ALK: variants seen among roughly 807,000 people sequenced by gnomAD.
ALK encodes ALK tyrosine kinase receptor.
A neutral mutation model predicts 163.1 loss-of-function variants in ALK; 74 were observed. The ratio of observed to expected loss-of-function variants is 0.45; its 90% CI spans 0.38 to 0.55. ALK has a LOEUF of 0.55. ALK is among the 20% of genes least tolerant of loss of function. The pLI is 0.00. For missense variants in ALK, 2,063 were observed against 2,105.3 expected (o/e 0.98, Z 0.39); for synonymous variants, 960 against 843.2 (o/e 1.14, Z -2.40).
At chr2:29,545,857 T>C (rs1673538612) in intron 3 of ALK, among the ~76,000 whole-genome samples, 1 of 152,168 alleles carries the variant, frequency 6.6e-6, no homozygotes, top group African/African-American at 2.4e-5. Flanking sequence ...GTATTATTAA[T>C]CTTAAGATAA....
chr2:29,427,064 A>AAAAAT (rs1670159299), intron 4 of ALK, among the ~76,000 whole-genome samples: 16 of 148,176 alleles, frequency 1.1e-4, no homozygotes, highest in Non-Finnish European at 4.5e-5. Context: ...AAAAAAAAAA[A>AAAAAT]GCTGTTACAT....
intron 4 of ALK, among the ~76,000 whole-genome samples, chr2:29,499,221 C>A (rs1439191687): frequency 6.6e-6 from 1 of 151,866 alleles, no homozygotes; most frequent in Non-Finnish European, 1.5e-5. Context: ...TTTTTTGAGA[C>A]AGGGTCTTGC....
chr2:29,920,586 G>T lies in ALK; in HGVS notation c.74C>A (p.Thr25Asn), dbSNP rs753812499. The change falls in exon 1 of 29, where the codon ACC becomes AAC. Residue 25 changes from threonine (T) to asparagine (N), a missense_variant. Transcript: ENST00000389048. ...STAAVGSGMG[T>N]GQRAGSPAAG... is the part of the protein sequence containing the mutation. Reference sequence around the variant, plus strand: ...AGCTGGGGAGCCCGCGCGCTGGCCGGTCCCCATCCCGGAGCCCACAGCTGC... The same window carrying T: ...AGCTGGGGAGCCCGCGCGCTGGCCGTTCCCCATCCCGGAGCCCACAGCTGC... The T allele has an allele frequency of 1.3e-6, 2 of 1,577,190 alleles. No individual in the cohort carries two copies. Among genetic ancestry groups the T allele is most frequent in the Admixed American group, 3.6e-5 (2 of 56,274 alleles).
chr2:29,639,515 C>T (rs376078888), intron 3 of ALK, among the ~76,000 whole-genome samples: 1 of 152,132 alleles, frequency 6.6e-6, no homozygotes, highest in East Asian at 1.9e-4. Flanking sequence ...ACTTTGCACT[C>T]TAAAATAAAA....
intron 4 of ALK, among the ~76,000 whole-genome samples, chr2:29,528,950 C>T (rs1468145551): frequency 5.9e-5 from 9 of 152,154 alleles, no homozygotes; most frequent in African/African-American, 1.4e-4. Context: ...CTGTCCCCTG[C>T]GAGACTCCAG....
At chr2:29,605,425 C>T (rs1262436989) in intron 3 of ALK, among the ~76,000 whole-genome samples, 2 of 152,204 alleles carry the variant, frequency 1.3e-5, no homozygotes, top group Non-Finnish European at 2.9e-5. Context: ...AAAGTTATCC[C>T]ACTGCTATAG....
chr2:29,631,763 T>C (rs1676382147), intron 3 of ALK, among the ~76,000 whole-genome samples: 1 of 152,256 alleles, frequency 6.6e-6, no homozygotes, highest in African/African-American at 2.4e-5. Context: ...AGATTAGGTA[T>C]CACAACGTGG....
At chr2:29,496,456 C>T (rs1672026863) in intron 4 of ALK, among the ~76,000 whole-genome samples, 1 of 152,158 alleles carries the variant, frequency 6.6e-6, no homozygotes, top group Non-Finnish European at 1.5e-5. Context: ...GTATTTGCAT[C>T]ATCACTGCTA....
chr2:29,684,911 T>C (rs1209486470), intron 3 of ALK, among the ~76,000 whole-genome samples: 3 of 152,212 alleles, frequency 2.0e-5, no homozygotes, highest in African/African-American at 7.2e-5. Flanking sequence ...CTTCTAACTA[T>C]AGGTCAAGAA....
At chr2:29,895,808 G>C (rs1046297492) in intron 1 of ALK, among the ~76,000 whole-genome samples, 1 of 152,040 alleles carries the variant, frequency 6.6e-6, no homozygotes, top group African/African-American at 2.4e-5. Flanking sequence ...TCTTTTGGCC[G>C]ATGTGTTTTT....
chr2:29,796,774 C>CGGTGTG (rs1664321134), intron 1 of ALK, among the ~76,000 whole-genome samples: 1 of 151,898 alleles, frequency 6.6e-6, no homozygotes, highest in South Asian at 2.1e-4. Context: ...AAAGAAGCTC[C>CGGTGTG]GGTGTGGGGT....
chr2:29,487,889 T>C (rs1377812241), intron 4 of ALK, among the ~76,000 whole-genome samples: 1 of 152,158 alleles, frequency 6.6e-6, no homozygotes, highest in Non-Finnish European at 1.5e-5. Flanking sequence ...ATCCCGTGCT[T>C]GTTCCTGGAG....
rs185275321 is a variant in ALK at position 29,499,590 on chromosome 2, C to T, written c.1154+32325G>A. On this transcript the variant is annotated intron_variant, in intron 4 of 28. Coordinates refer to ENST00000389048, the MANE Select transcript of ALK (RefSeq NM_004304.5). ...TCCCACACATCTCCCTGGTTCCACT[C>T]TCTAGACCCTCTCGCCTCCCTCCAG... 2.5e-3 allele frequency among the ~76,000 whole-genome samples: 383 copies of T among 152,324 alleles called. 1 individual carries two copies. Among genetic ancestry groups the T allele is most frequent in the Middle Eastern group, 6.8e-3 (2 of 294 alleles).
At chr2:29,444,287 T>C (rs894470496) in intron 4 of ALK, among the ~76,000 whole-genome samples, 9 of 152,184 alleles carry the variant, frequency 5.9e-5, no homozygotes, top group Admixed American at 4.6e-4. Context: ...TGTGGAATGA[T>C]ACTGGCTGGT....
chr2:29,570,316 G>T (rs1362875207), intron 3 of ALK, among the ~76,000 whole-genome samples: 1 of 152,212 alleles, frequency 6.6e-6, no homozygotes, highest in Admixed American at 6.5e-5. Context: ...TGATGTTTTA[G>T]GAAAAGAGTT....
chr2:29,859,909 T>C (rs535502041), intron 1 of ALK, among the ~76,000 whole-genome samples: 1 of 152,246 alleles, frequency 6.6e-6, no homozygotes, highest in African/African-American at 2.4e-5. Context: ...ATAGTAGATT[T>C]ATAAGGGAAA....
At chr2:29,698,274 C>T (rs1218349470) in intron 2 of ALK, among the ~76,000 whole-genome samples, 1 of 152,122 alleles carries the variant, frequency 6.6e-6, no homozygotes, top group South Asian at 2.1e-4. Context: ...GAAAACTGGT[C>T]CAACATTTTG....
chr2:29,484,518 GT>G (rs1446372941), intron 4 of ALK, among the ~76,000 whole-genome samples: 2 of 151,916 alleles, frequency 1.3e-5, no homozygotes, highest in Non-Finnish European at 2.9e-5. Flanking sequence ...TTCCAGTTTT[GT>G]TTTTTTCTAG....
rs1022613939 is a variant in ALK, at chr2:29,624,120, T to C, written c.952+70730A>G. ...TTCACTAGTTGAGGAAAAAAATCAT[T>C]GTCAGACTATGTGTTGATGCCTTTC... is the stretch of plus-strand genomic sequence containing the variant. On this transcript the variant is annotated intron_variant, in intron 3 of 28. Transcript: ENST00000389048. Among the ~76,000 whole-genome samples the C allele has an allele frequency of 1.4e-4, 22 of 152,396 alleles. 1 individual carries two copies. Among genetic ancestry groups the C allele is most frequent in the South Asian group, 8.3e-4 (4 of 4,828 alleles).
Sources: gnomAD v4.1 joint callset for allele counts (sites outside exome capture counted in the v4.1 genomes callset) on GRCh38, gnomAD v4.1.1 for gene constraint, MANE v1.5 for transcripts, NCBI Gene and HGNC (gene_info 2026-07-23, HGNC 2026-07-21) for gene names.